SUCLA2: variants seen among roughly 807,000 people sequenced by gnomAD.
SUCLA2 encodes succinate-CoA ligase ADP-forming subunit beta.
SUCLA2 carries 30 observed loss-of-function variants against 54.8 expected under a neutral mutation model. The observed-to-expected ratio is 0.55, with a 90% confidence interval of 0.41 to 0.74. The LOEUF is 0.74. Among genes scored for constraint, SUCLA2 ranks in the 30% least tolerant of loss-of-function variants. The probability of loss-of-function intolerance (pLI) is 0.00; values close to 1 mark genes in which losing one functional copy is unlikely to be tolerated. For missense variants in SUCLA2, 476 were observed against 562.9 expected (o/e 0.85, Z 1.56); for synonymous variants, 172 against 188.9 (o/e 0.91, Z 0.74).
At chr13:47,960,880 C>T (rs1218675807) in intron 6 of SUCLA2, among the ~76,000 whole-genome samples, 2 of 152,170 alleles carry the variant, frequency 1.3e-5, no homozygotes, top group Non-Finnish European at 2.9e-5. Context: ...ACGATTCAAT[C>T]CCTCTAGGCC....
intron 5 of SUCLA2, among the ~76,000 whole-genome samples, chr13:47,971,001 A>T (rs1250226279): frequency 6.6e-6 from 1 of 152,210 alleles, no homozygotes; most frequent in Non-Finnish European, 1.5e-5. Context: ...GCGCCACTGC[A>T]CTCCAGCCTG....
chr13:47,962,245 G>A lies in SUCLA2; in HGVS notation c.802+6350C>T, dbSNP rs909935984. ...GGATACTTTAATAAGTAGAATTTGA[G>A]GCATATTTCTCTCTCTGCCTAATTT... On this transcript the variant is annotated intron_variant, in intron 6 of 10. Transcript: ENST00000646932. 5.9e-5 allele frequency among the ~76,000 whole-genome samples: 9 copies of A among 152,036 alleles called. 1 individual carries two copies. The highest frequency in any genetic ancestry group is 4.6e-4 in the Admixed American group (7 of 15,268).
chr13:47,996,066 G>C (rs1378038872), intron 2 of SUCLA2, among the ~76,000 whole-genome samples: 1 of 152,128 alleles, frequency 6.6e-6, no homozygotes, highest in Non-Finnish European at 1.5e-5. Flanking sequence ...GCTCACACCT[G>C]TAATCCCAGC....
At position 47,967,675 on chromosome 13, in the gene SUCLA2, T is replaced by C. The variant is rs549881165; in HGVS notation, c.802+920A>G. On this transcript the variant is annotated intron_variant, in intron 6 of 10. Transcript: ENST00000646932. ...GGCCAACATGGTGAAACCTCATCTC[T>C]ACTAAAAACACAAAAAAAATTATCC... Among the ~76,000 whole-genome samples the C allele has an allele frequency of 5.7e-5, 6 of 105,050 alleles. No individual in the cohort carries two copies. The South Asian group carries it at 1.8e-3, about 31-fold the overall frequency. 68.9% of individuals were successfully genotyped at this position (105,050 alleles called of 152,430 possible). A position where few individuals can be genotyped will look rare whatever the true frequency, so the allele number is the denominator to read the frequency against.
chr13:47,983,335 A>G (rs1315507649), intron 4 of SUCLA2, among the ~76,000 whole-genome samples: 1 of 152,204 alleles, frequency 6.6e-6, no homozygotes, highest in Non-Finnish European at 1.5e-5. Context: ...AAAAATTCTG[A>G]TTGAAGAAGA....
At chr13:47,988,511 C>G in intron 4 of SUCLA2, 30 bp downstream of exon 4, 1 of 1,609,648 alleles carries the variant, frequency 6.2e-7, no homozygotes, top group Middle Eastern at 1.7e-4. Context: ...ATAAATTTAT[C>G]CCGTATGTAT....
chr13:47,980,542 A>G (rs531808120), intron 4 of SUCLA2, among the ~76,000 whole-genome samples: 3 of 152,312 alleles, frequency 2.0e-5, no homozygotes, highest in African/African-American at 4.8e-5. Context: ...TACAGATTCA[A>G]TGTAATCTCT....
At chr13:47,966,525 T>TAAAA (rs372783186) in intron 6 of SUCLA2, among the ~76,000 whole-genome samples, 2 of 141,246 alleles carry the variant, frequency 1.4e-5, no homozygotes, top group Admixed American at 7.1e-5. Flanking sequence ...TTGCCGTTTT[T>TAAAA]AAAAAAAAAA....
At chr13:47,947,274 T>TACACACACAC (rs34458960) in intron 10 of SUCLA2, among the ~76,000 whole-genome samples, 2 of 144,848 alleles carry the variant, frequency 1.4e-5, no homozygotes, top group Admixed American at 6.8e-5. Context: ...ACACGCACAA[T>TACACACACAC]ACACACACAC....
chr13:47,946,043 T>G (rs1949728967), intron 10 of SUCLA2: 1 of 152,252 alleles, frequency 6.6e-6, no homozygotes, highest in South Asian at 2.1e-4. Flanking sequence ...TATGTCACAA[T>G]GCCTTCATCA....
chr13:47,983,076 AG>A (rs1386942620), intron 4 of SUCLA2, among the ~76,000 whole-genome samples: 1 of 152,194 alleles, frequency 6.6e-6, no homozygotes, highest in Non-Finnish European at 1.5e-5. Context: ...TCTGAAGTTT[AG>A]CTAAACCATG....
At chr13:47,999,932 T>G (rs1950217226) in intron 1 of SUCLA2, among the ~76,000 whole-genome samples, 1 of 152,012 alleles carries the variant, frequency 6.6e-6, no homozygotes, top group African/African-American at 2.4e-5. Context: ...AATGAAGGCT[T>G]TTAAATGAAC....
intron 1 of SUCLA2, among the ~76,000 whole-genome samples, chr13:48,000,701 T>C (rs1372867665): frequency 6.6e-6 from 1 of 152,218 alleles, no homozygotes; most frequent in Non-Finnish European, 1.5e-5. Context: ...GAAACTTCCC[T>C]ACCTTGCCCC....
At chr13:47,968,811 G>GTT in intron 5 of SUCLA2, 78 bp from the exon 6 acceptor site, 1 of 1,484,238 alleles carries the variant, frequency 6.7e-7, no homozygotes, top group Non-Finnish European at 9.1e-7. Context: ...AAGCCTTGTA[G>GTT]TTTATCACTT....
rs1186161113 is a variant in SUCLA2 at position 47,949,754 on chromosome 13, T to C, written c.1108-151A>G. ...CAATACCCTCTTCTAGCTCTCTTTATTGAAGTCTATGTAGTCCACTGCCCA... is the reference window on the plus strand; with the variant it reads ...CAATACCCTCTTCTAGCTCTCTTTACTGAAGTCTATGTAGTCCACTGCCCA... On this transcript the variant is annotated intron_variant, in intron 8 of 10. Coordinates refer to ENST00000646932, the MANE Select transcript of SUCLA2 (RefSeq NM_003850.3). 5 of 791,106 alleles carry C rather than the reference T, an allele frequency of 6.3e-6. No individual in the cohort carries two copies. In the Admixed American group the frequency reaches 9.0e-5, roughly 14 times the overall value. 49.0% of individuals were successfully genotyped at this position (791,106 alleles called of 1,614,324 possible). A position where few individuals can be genotyped will look rare whatever the true frequency, so the allele number is the denominator to read the frequency against.
chr13:47,967,129 T>C (rs1205168112), intron 6 of SUCLA2, among the ~76,000 whole-genome samples: 2 of 152,210 alleles, frequency 1.3e-5, no homozygotes, highest in Non-Finnish European at 2.9e-5. Flanking sequence ...AACTTTTTAA[T>C]TTGTGACTCA....
Position 47,942,965 on chromosome 13 carries a change from A to G in SUCLA2, c.*406T>C. The G allele has an allele frequency of 5.5e-6, 1 of 180,292 alleles. No homozygotes were observed. Among genetic ancestry groups the G allele is most frequent in the East Asian group, 1.4e-4 (1 of 6,928 alleles). The allele number at this position is 180,292 out of a possible 1,614,324, so 11.2% of individuals were successfully genotyped here. On this transcript the variant is annotated 3_prime_UTR_variant, in exon 11 of 11. Coordinates refer to ENST00000646932, the MANE Select transcript of SUCLA2 (RefSeq NM_003850.3). ...CACTTTTTACATAAAACATTGTTTT[A>G]ATATACTGCTCTACTAATGAGGCTA...
At chr13:47,993,573 G>A (rs932221186) in intron 2 of SUCLA2, among the ~76,000 whole-genome samples, 2 of 152,154 alleles carry the variant, frequency 1.3e-5, no homozygotes, top group Non-Finnish European at 2.9e-5. Flanking sequence ...AACAGAAAAT[G>A]ATGGACATGG....
chr13:47,947,375 A>G (rs911337540), intron 10 of SUCLA2, among the ~76,000 whole-genome samples: 1 of 152,184 alleles, frequency 6.6e-6, no homozygotes, highest in Non-Finnish European at 1.5e-5. Context: ...TATTGGACAT[A>G]ATAGAACAAA....
Sources: allele counts gnomAD v4.1 joint callset (sites outside exome capture counted in the v4.1 genomes callset), GRCh38; gene constraint gnomAD v4.1.1; transcripts MANE v1.5; gene names NCBI Gene and HGNC (gene_info 2026-07-23, HGNC 2026-07-21).